The following HSF2 variants were observed in gnomAD, a reference collection of about 807,000 sequenced individuals.
The protein encoded by HSF2 is heat shock factor protein 2.
Under a neutral mutation model 65.0 loss-of-function variants are expected in HSF2, and 21 were observed. That is an observed-to-expected ratio of 0.32 (90% confidence interval 0.23 to 0.47). The LOEUF is 0.47. HSF2 is among the 20% of genes least tolerant of loss of function. The pLI, the probability that HSF2 is intolerant of heterozygous loss-of-function variation, is 1.00. For synonymous variants in HSF2, 225 were observed against 219.1 expected (o/e 1.03, Z -0.24); for missense variants, 499 against 628.1 (o/e 0.79, Z 2.20).
intron 4 of HSF2, among the ~76,000 whole-genome samples, chr6:122,414,993 A>G (rs1385000887): frequency 6.6e-6 from 1 of 152,222 alleles, no homozygotes; most frequent in Non-Finnish European, 1.5e-5. Flanking sequence ...TATTCAGTAA[A>G]TATTAAAATC....
intron 10 of HSF2, among the ~76,000 whole-genome samples, chr6:122,424,155 A>G (rs1006660206): frequency 6.6e-5 from 10 of 152,022 alleles, no homozygotes; most frequent in Non-Finnish European, 1.3e-4. Flanking sequence ...TTGAGTTACA[A>G]GGTTCCCCTG....
intron 10 of HSF2, among the ~76,000 whole-genome samples, chr6:122,425,928 C>T (rs975484639): frequency 6.6e-6 from 1 of 152,038 alleles, no homozygotes; most frequent in Non-Finnish European, 1.5e-5. Flanking sequence ...TAACAATAAA[C>T]TTCTTTATTC....
chr6:122,426,155 C>T (rs548714634), intron 10 of HSF2, among the ~76,000 whole-genome samples: 6 of 152,104 alleles, frequency 3.9e-5, no homozygotes, highest in Non-Finnish European at 5.9e-5. Flanking sequence ...CCTTGAATTA[C>T]GCTGTATTGT....
At chr6:122,407,140 A>C (rs539333984) in intron 1 of HSF2, among the ~76,000 whole-genome samples, 8 of 152,332 alleles carry the variant, frequency 5.3e-5, no homozygotes, top group African/African-American at 1.7e-4. Context: ...AGTGAAAAAG[A>C]AGGAAAATCA....
intron 10 of HSF2, among the ~76,000 whole-genome samples, chr6:122,426,212 A>G (rs1278586000): frequency 6.6e-6 from 1 of 152,136 alleles, no homozygotes; most frequent in Non-Finnish European, 1.5e-5. Flanking sequence ...TGAGATGACA[A>G]AAATGGTAAG....
chr6:122,404,052 G>T (rs1048418385), intron 1 of HSF2, among the ~76,000 whole-genome samples: 24 of 152,180 alleles, frequency 1.6e-4, no homozygotes, highest in Non-Finnish European at 1.5e-5. Context: ...CTGTTCTTCA[G>T]ATTGTTTGAG....
intron 4 of HSF2, 83 bp from the exon 5 acceptor site, chr6:122,416,138 T>C (rs1328002941): frequency 1.2e-6 from 1 of 826,484 alleles, no homozygotes; most frequent in Non-Finnish European, 2.0e-6. Context: ...TTCAGTTGTC[T>C]GGTATTCTTA....
chr6:122,416,145 CTTAA>C (rs1310301661), intron 4 of HSF2, 72 bp from the exon 5 acceptor site: 26 of 874,826 alleles, frequency 3.0e-5, no homozygotes, highest in African/African-American at 5.2e-5. Flanking sequence ...GTCTGGTATT[CTTAA>C]TTAAAGATAC....
chr6:122,419,090 T>A, intron 5 of HSF2, 78 bp from the exon 6 acceptor site: 1 of 695,640 alleles, frequency 1.4e-6, no homozygotes, highest in South Asian at 1.7e-5. Flanking sequence ...ATTATATGAA[T>A]TTGTTTTATA....
In HSF2 at chr6:122,412,769, G is replaced by GCTATT; in HGVS notation, c.330+6_330+10dup. On this transcript the variant is annotated splice_donor_region_variant and intron_variant, in intron 3 of 12. Transcript: ENST00000368455. Reference sequence around the variant, plus strand: ...TTGGAGAACATTAAAAGGAAGGTGAGCTATTGTGAACGTGAGCTAATTAGG... The same window carrying GCTATT: ...TTGGAGAACATTAAAAGGAAGGTGAGCTATTCTATTGTGAACGTGAGCTAATTAGG... The GCTATT allele has an allele frequency of 6.2e-7, 1 of 1,612,488 alleles. No homozygotes were observed. Among genetic ancestry groups the GCTATT allele is most frequent in the South Asian group, 1.1e-5 (1 of 90,996 alleles).
intron 3 of HSF2, among the ~76,000 whole-genome samples, chr6:122,413,130 T>C (rs192649226): frequency 1.1e-4 from 17 of 152,068 alleles, no homozygotes; most frequent in Non-Finnish European, 2.1e-4. Flanking sequence ...ATAAGATATT[T>C]TACTAAATCT....
At chr6:122,407,346 T>G (rs1773889406) in intron 1 of HSF2, among the ~76,000 whole-genome samples, 1 of 152,206 alleles carries the variant, frequency 6.6e-6, no homozygotes, top group South Asian at 2.1e-4. Context: ...GTGAATTATC[T>G]TCCAAAGAGA....
At position 122,422,700 on chromosome 6, in the gene HSF2, C is replaced by T; in HGVS notation, c.831-18C>T. On this transcript the variant is annotated intron_variant, in intron 8 of 12. Transcript: ENST00000368455. ...AATTTGAAAATGTAATAGGTTCCTT[C>T]TTTTATTGCTGATTTAGCTGTAGCC... 6.2e-7 allele frequency: 1 copy of T among 1,611,106 alleles called. No individual in the cohort carries two copies. The highest frequency in any genetic ancestry group is 8.5e-7 in the Non-Finnish European group (1 of 1,177,964).
Position 122,427,958 on chromosome 6 carries a change from T to C in HSF2, c.1230+2T>C. 8.2e-6 allele frequency: 13 copies of C among 1,589,176 alleles called. No individual in the cohort carries two copies. Among genetic ancestry groups the C allele is most frequent in the Non-Finnish European group, 1.1e-5 (13 of 1,161,118 alleles). ...ACAGATTACATCAATAATACAAAAG[T>C]AAGTTTTAATTCATGTTGCTCAGGA... On this transcript the variant is annotated splice_donor_variant, in intron 11 of 12. Transcript: ENST00000368455. LOFTEE classifies it high-confidence loss of function.
At chr6:122,420,362 T>A (rs1037381804) in intron 7 of HSF2, 140 bp downstream of exon 7, 2 of 592,666 alleles carry the variant, frequency 3.4e-6, no homozygotes, top group African/African-American at 3.9e-5. Context: ...TGTGACATTT[T>A]TTATTATTTG....
At chr6:122,407,695 A>G (rs1406468764) in intron 1 of HSF2, among the ~76,000 whole-genome samples, 1 of 151,952 alleles carries the variant, frequency 6.6e-6, no homozygotes, top group South Asian at 2.1e-4. Flanking sequence ...TTAGTTGTCT[A>G]GCACCTTTAC....
At position 122,413,614 on chromosome 6, in the gene HSF2, G is replaced by A. The variant is rs766917034; in HGVS notation, c.420G>A (p.Gln140=). The A allele has an allele frequency of 6.2e-7, 1 of 1,605,966 alleles. No homozygotes were observed. The highest frequency in any genetic ancestry group is 8.5e-7 in the Non-Finnish European group (1 of 1,173,366). ...GTGCTCAGAAGGTTCAGATAAAACA[G>A]GAAACTATTGAGTCCAGGCTTTCTG... ...ISSAQKVQIK[Q]ETIESRLSEL... Residue 140 remains glutamine (Q), a synonymous_variant, in exon 4 of 13, where the codon CAG becomes CAA. Transcript: ENST00000368455.
chr6:122,423,438 A>G, intron 9 of HSF2, 143 bp from the exon 10 acceptor site: 1 of 489,360 alleles, frequency 2.0e-6, no homozygotes, highest in Non-Finnish European at 3.6e-6. Flanking sequence ...TTCCTACTCT[A>G]GAATAAGATC....
chr6:122,427,875 T>G, intron 10 of HSF2, 28 bp from the exon 11 acceptor site: 1 of 1,547,150 alleles, frequency 6.5e-7, no homozygotes, highest in African/African-American at 1.4e-5. Flanking sequence ...TTTTTTAAAC[T>G]TATCATCTTT....
Sources: allele counts gnomAD v4.1 joint callset (sites outside exome capture counted in the v4.1 genomes callset), GRCh38; gene constraint gnomAD v4.1.1; transcripts MANE v1.5; gene names NCBI Gene and HGNC (gene_info 2026-07-23, HGNC 2026-07-21).